The following ZNF445 variants were observed in gnomAD, a reference collection of about 807,000 sequenced individuals.
ZNF445 encodes the protein zinc finger protein 168.
A neutral mutation model predicts 93.9 loss-of-function variants in ZNF445; 19 were observed. That is an observed-to-expected ratio of 0.20 (90% confidence interval 0.14 to 0.30). ZNF445 has a LOEUF of 0.30. Ranked by LOEUF, ZNF445 falls within the 10% of genes least tolerant of loss-of-function variation. The probability of loss-of-function intolerance (pLI) is 1.00; values close to 1 mark genes in which losing one functional copy is unlikely to be tolerated. For missense variants in ZNF445, 1,058 were observed against 1,259.4 expected, an observed-to-expected ratio of 0.84 and a Z score of 2.42; for synonymous variants, 449 against 446.3, an observed-to-expected ratio of 1.01 and a Z score of -0.08.
intron 2 of ZNF445, among the ~76,000 whole-genome samples, chr3:44,457,193 T>C (rs771980780): frequency 1.6e-4 from 25 of 152,182 alleles, no homozygotes; most frequent in Non-Finnish European, 2.9e-4. Context: ...TGTTTCTTCA[T>C]ACCTGGGGAA....
rs1697943694 is a variant in ZNF445, at chr3:44,450,577, A to G, written c.694-4T>C. 1 of 1,613,456 alleles carries G rather than the reference A, an allele frequency of 6.2e-7. No individual in the cohort carries two copies. Among genetic ancestry groups the G allele is most frequent in the Non-Finnish European group, 8.5e-7 (1 of 1,179,734 alleles). The stretch of plus-strand genomic sequence containing the variant: ...CATCCTTGAAAGTCATGGTCTCCTG[A>G]AAAAACACTGTGCCCTAGAGCTGGT... On this transcript the variant is annotated splice_polypyrimidine_tract_variant and splice_region_variant and intron_variant, in intron 5 of 7. Transcript: ENST00000396077.
chr3:44,471,686 C>T (rs1352993795), intron 1 of ZNF445, among the ~76,000 whole-genome samples: 1 of 152,146 alleles, frequency 6.6e-6, no homozygotes, highest in African/African-American at 2.4e-5. Context: ...CACTAGAAGG[C>T]ATGCAATCAT....
rs187206997 is a variant in ZNF445 at position 44,450,304 on chromosome 3, C to G, written c.820+143G>C. 233 of 970,018 alleles carry G rather than the reference C, an allele frequency of 2.4e-4. No individual in the cohort carries two copies. In the African/African-American group the frequency reaches 3.3e-3, roughly 14 times the overall value. 60.1% of individuals were successfully genotyped at this position (970,018 alleles called of 1,614,324 possible). ...TCTCCCCATTTTTCAAAAGAGGCTA[C>G]CAAGGTGCTAGATTAAGTGATCTGG... On this transcript the variant is annotated intron_variant, in intron 6 of 7. Transcript: ENST00000396077.
chr3:44,453,086 G>T (rs879380027), intron 3 of ZNF445, among the ~76,000 whole-genome samples: 14 of 151,424 alleles, frequency 9.2e-5, no homozygotes, highest in Non-Finnish European at 1.6e-4. Context: ...GCTAATTTTT[G>T]TATTTTTAGT....
In ZNF445 at chr3:44,437,322, A is replaced by C. The variant is rs1697701486; in HGVS notation, c.*9253T>G. The C allele has an allele frequency of 1.3e-5, 2 of 152,180 alleles. No individual in the cohort carries two copies. The highest frequency in any genetic ancestry group is 6.5e-5 in the Admixed American group (1 of 15,296). The allele number at this position is 152,180 out of a possible 1,614,324, so 9.4% of individuals were successfully genotyped here. ...GTCTTTGTGGCCTGGATCTTGTGCC[A>C]ATCTCCTATCTCATCCCGTGACTTA... On this transcript the variant is annotated 3_prime_UTR_variant, in exon 8 of 8. Coordinates refer to ENST00000396077, the MANE Select transcript of ZNF445 (RefSeq NM_181489.6).
At chr3:44,454,660 C>A (rs1480056484) in intron 3 of ZNF445, among the ~76,000 whole-genome samples, 1 of 152,178 alleles carries the variant, frequency 6.6e-6, no homozygotes, top group African/African-American at 2.4e-5. Flanking sequence ...TTCCTGCACT[C>A]AAGCAATCCG....
At position 44,457,873 on chromosome 3, in the gene ZNF445, C is replaced by A. The variant is rs1193186364; in HGVS notation, c.-148+371G>T. Among the ~76,000 whole-genome samples the A allele has an allele frequency of 5.9e-5, 9 of 151,946 alleles. No homozygotes were observed. In the East Asian group the frequency reaches 1.7e-3, roughly 29 times the overall value. ...AAAAATACAAAAAAAATTAGCTGGGCGTGATGGCATGCGCCTGTAATCCCA... is the reference window on the plus strand; with the variant it reads ...AAAAATACAAAAAAAATTAGCTGGGAGTGATGGCATGCGCCTGTAATCCCA... On this transcript the variant is annotated intron_variant, in intron 2 of 7. Transcript: ENST00000396077.
chr3:44,471,102 G>A (rs1035574651), intron 1 of ZNF445, among the ~76,000 whole-genome samples: 2 of 152,172 alleles, frequency 1.3e-5, no homozygotes, highest in Non-Finnish European at 2.9e-5. Context: ...AGAAATACAA[G>A]CAGTGCTGCC....
intron 1 of ZNF445, among the ~76,000 whole-genome samples, chr3:44,459,676 A>G (rs748361659): frequency 6.6e-6 from 1 of 152,268 alleles, no homozygotes; most frequent in Non-Finnish European, 1.5e-5. Context: ...TGGAAGAAAC[A>G]GTACATACAG....
chr3:44,455,127 G>A lies in ZNF445; in HGVS notation c.423C>T (p.Ser141=), dbSNP rs1220543994. ...CACACTTGCTCACACTCACCCTCCA[G>A]GATGTCCCATCAAGGTCCCTCTGCA... ...EELQRDLDGT[S]WRDPGPAQSP... The change falls in exon 3 of 8, where the codon TCC becomes TCT. Residue 141 remains serine, a synonymous_variant. Coordinates refer to ENST00000396077, the MANE Select transcript of ZNF445 (RefSeq NM_181489.6). The A allele has an allele frequency of 1.9e-6, 3 of 1,614,072 alleles. No homozygotes were observed. The Middle Eastern group carries it at 4.9e-4, about 266-fold the overall frequency.
chr3:44,457,200 G>A (rs1698040167), intron 2 of ZNF445, among the ~76,000 whole-genome samples: 1 of 152,184 alleles, frequency 6.6e-6, no homozygotes, highest in African/African-American at 2.4e-5. Flanking sequence ...TCATACCTGG[G>A]GAAGGAGCTT....
intron 3 of ZNF445, among the ~76,000 whole-genome samples, chr3:44,451,929 T>C (rs1559394084): frequency 2.0e-5 from 3 of 152,242 alleles, no homozygotes; most frequent in Non-Finnish European, 4.4e-5. Context: ...AGTGCTGCTC[T>C]AGGCACTGAT....
chr3:44,440,710 A>G lies in ZNF445; in HGVS notation c.*5865T>C, dbSNP rs1205063900. 6.6e-6 allele frequency: 1 copy of G among 152,240 alleles called. No homozygotes were observed. Among genetic ancestry groups the G allele is most frequent in the Non-Finnish European group, 1.5e-5 (1 of 68,046 alleles). The allele number at this position is 152,240 out of a possible 1,614,324, so 9.4% of individuals were successfully genotyped here. A position where few individuals can be genotyped will look rare whatever the true frequency, so the allele number is the denominator to read the frequency against. On this transcript the variant is annotated 3_prime_UTR_variant, in exon 8 of 8. Coordinates refer to ENST00000396077, the MANE Select transcript of ZNF445 (RefSeq NM_181489.6). ...TGAAAGTAGTTAATATTAAGAAAGT[A>G]AAGAAATACAGAATGGCTACTCCAT...
Position 44,437,536 on chromosome 3 carries a change from CAT to C in ZNF445, c.*9037_*9038del, listed in dbSNP as rs1409736994. The C allele has an allele frequency of 6.6e-6, 1 of 152,172 alleles. No individual in the cohort carries two copies. The highest frequency in any genetic ancestry group is 1.5e-5 in the Non-Finnish European group (1 of 68,036). The allele number at this position is 152,172 out of a possible 1,614,324, so 9.4% of individuals were successfully genotyped here. On this transcript the variant is annotated 3_prime_UTR_variant, in exon 8 of 8. Transcript: ENST00000396077. ...TAAAGTGGTGAAAGGACAGCTACTC[CAT>C]AGAGTAGGATGGAGTAACCTCTAAC...
Position 44,455,387 on chromosome 3 carries a change from G to C in ZNF445, c.163C>G (p.Arg55Gly). The C allele has an allele frequency of 6.2e-7, 1 of 1,614,172 alleles. No individual in the cohort carries two copies. The stretch of plus-strand genomic sequence containing the variant: ...TAGCGAAGCTGTCTGAAGAGCTGGC[G>C]GAACAGCTCCTGGCCAGGGCGGTTG... The part of the protein sequence containing the change: ...TLNRPGQELF[R>G]QLFRQLRYHE... The change falls in exon 3 of 8, where the codon CGC becomes GGC. Residue 55 changes from arginine to glycine, a missense_variant. This residue lies in a region of ZNF445 where 657 missense variants were observed against 746.4 expected (regional missense o/e 0.88). Transcript: ENST00000396077.
chr3:44,455,487 C>T lies in ZNF445; in HGVS notation c.63G>A (p.Gly21=), dbSNP rs752615973. The change falls in exon 3 of 8, where the codon GGG becomes GGA. Residue 21 remains glycine (G), a synonymous_variant. Transcript: ENST00000396077. ...PAQAQSSRER[G]RLQTVKKEEE... is the part of the protein sequence containing the mutation. Reference sequence around the variant, plus strand: ...CTTCCTTCTTTACTGTCTGAAGCCGCCCTCGCTCCCTCGAAGACTGGGCCT... The same window carrying T: ...CTTCCTTCTTTACTGTCTGAAGCCGTCCTCGCTCCCTCGAAGACTGGGCCT... 6.2e-7 allele frequency: 1 copy of T among 1,613,184 alleles called. No individual in the cohort carries two copies. The highest frequency in any genetic ancestry group is 1.1e-5 in the South Asian group (1 of 90,960).
chr3:44,469,039 C>CAA (rs58140525), intron 1 of ZNF445, among the ~76,000 whole-genome samples: 13 of 67,188 alleles, frequency 1.9e-4, no homozygotes, highest in South Asian at 9.5e-4. Flanking sequence ...GAGTCTGTCT[C>CAA]AAAAAAAAAA....
Position 44,445,335 on chromosome 3 carries a change from G to A in ZNF445, c.*1240C>T, listed in dbSNP as rs1575306551. Reference sequence around the variant, plus strand: ...GAGAAGCCTTTCACCCTTTTACTGAGTCCTTGGATCTGTGGTTAACCCTTA... The same window carrying A: ...GAGAAGCCTTTCACCCTTTTACTGAATCCTTGGATCTGTGGTTAACCCTTA... On this transcript the variant is annotated 3_prime_UTR_variant, in exon 8 of 8. Coordinates refer to ENST00000396077, the MANE Select transcript of ZNF445 (RefSeq NM_181489.6). 6.6e-6 allele frequency: 1 copy of A among 152,222 alleles called. No homozygotes were observed. The highest frequency in any genetic ancestry group is 2.4e-5 in the African/African-American group (1 of 41,450). The allele number at this position is 152,222 out of a possible 1,614,324, so 9.4% of individuals were successfully genotyped here.
In ZNF445 at chr3:44,441,712, G is replaced by C. The variant is rs1198132018; in HGVS notation, c.*4863C>G. On this transcript the variant is annotated 3_prime_UTR_variant, in exon 8 of 8. Transcript: ENST00000396077. ...TAAAAAGTACCCACCACACTACCCTGTAAAAATCTTAACATTGTGATGCCT... is the reference window on the plus strand; with the variant it reads ...TAAAAAGTACCCACCACACTACCCTCTAAAAATCTTAACATTGTGATGCCT... 6.6e-6 allele frequency: 1 copy of C among 152,082 alleles called. No individual in the cohort carries two copies. The highest frequency in any genetic ancestry group is 2.4e-5 in the African/African-American group (1 of 41,398). The allele number at this position is 152,082 out of a possible 1,614,324, so 9.4% of individuals were successfully genotyped here. A position where few individuals can be genotyped will look rare whatever the true frequency, so the allele number is the denominator to read the frequency against.
Sources: gnomAD v4.1 joint callset for allele counts (sites outside exome capture counted in the v4.1 genomes callset) on GRCh38, gnomAD v4.1.1 for gene constraint, gnomAD v4.1.1 regional missense constraint, MANE v1.5 for transcripts, NCBI Gene and HGNC (gene_info 2026-07-23, HGNC 2026-07-21) for gene names.